Variants in GFRA2 observed in about 807,000 individuals in gnomAD.
The protein encoded by GFRA2 is GDNF family receptor alpha 2.
GFRA2 carries 17 observed loss-of-function variants against 48.3 expected under a neutral mutation model. That is an observed-to-expected ratio of 0.35 (90% CI 0.24 to 0.53). The LOEUF (loss-of-function observed/expected upper bound fraction) is 0.53, where lower values mean the gene tolerates loss of function less well. GFRA2 is among the 20% of genes least tolerant of loss of function. The pLI, the probability that GFRA2 is intolerant of heterozygous loss-of-function variation, is 0.93. For missense variants in GFRA2, 660 were observed against 637.3 expected, an observed-to-expected ratio of 1.04 and a Z score of -0.38; for synonymous variants, 305 against 257.2, an observed-to-expected ratio of 1.19 and a Z score of -1.78.
At chr8:21,758,102 C>T (rs565714950) in intron 3 of GFRA2, among the ~76,000 whole-genome samples, 2 of 152,050 alleles carry the variant, frequency 1.3e-5, no homozygotes, top group South Asian at 4.2e-4. Flanking sequence ...CGGCTGGCAC[C>T]TGGGCATCTG....
chr8:21,785,321 C>G (rs900424726), intron 1 of GFRA2, among the ~76,000 whole-genome samples: 2 of 152,194 alleles, frequency 1.3e-5, no homozygotes, highest in Non-Finnish European at 2.9e-5. Context: ...GGCCAGGCAA[C>G]AGACACACTC....
At chr8:21,716,166 T>G (rs1055716617) in intron 4 of GFRA2, among the ~76,000 whole-genome samples, 1 of 151,582 alleles carries the variant, frequency 6.6e-6, no homozygotes, top group Non-Finnish European at 1.5e-5. Flanking sequence ...CTACTGAAAA[T>G]CGAAAAATTA....
intron 7 of GFRA2, among the ~76,000 whole-genome samples, chr8:21,694,831 G>T (rs1432903300): frequency 6.6e-6 from 1 of 152,186 alleles, no homozygotes; most frequent in Non-Finnish European, 1.5e-5. Flanking sequence ...CTTGGGCAGG[G>T]ACCATGTCTT....
chr8:21,718,421 C>G (rs954917901), intron 4 of GFRA2, among the ~76,000 whole-genome samples: 1 of 152,192 alleles, frequency 6.6e-6, no homozygotes, highest in Non-Finnish European at 1.5e-5. Context: ...TCCTTATCAG[C>G]AGTGTGAAAA....
chr8:21,772,846 G>T (rs1029118569), intron 3 of GFRA2, among the ~76,000 whole-genome samples: 338 of 152,314 alleles, frequency 2.2e-3, no homozygotes, highest in African/African-American at 7.6e-3. Context: ...TGAGTCCAGG[G>T]AGCAGAAGGG....
chr8:21,806,317 G>C (rs1417679149), intron 1 of GFRA2, among the ~76,000 whole-genome samples: 2 of 152,170 alleles, frequency 1.3e-5, no homozygotes, highest in African/African-American at 4.8e-5. Flanking sequence ...TTCCAGAAGA[G>C]TACTCAATAA....
intron 4 of GFRA2, among the ~76,000 whole-genome samples, chr8:21,734,451 T>C (rs1232786236): frequency 6.6e-6 from 1 of 152,256 alleles, no homozygotes; most frequent in Non-Finnish European, 1.5e-5. Context: ...ACATCACATT[T>C]TTTAACTTTG....
intron 4 of GFRA2, among the ~76,000 whole-genome samples, chr8:21,732,040 CCT>C (rs1157500158): frequency 1.3e-5 from 2 of 152,216 alleles, no homozygotes; most frequent in Non-Finnish European, 2.9e-5. Context: ...ATTTATGGGC[CCT>C]GAGTCGGGCC....
intron 1 of GFRA2, among the ~76,000 whole-genome samples, chr8:21,810,169 G>A (rs1011937501): frequency 1.3e-5 from 2 of 152,148 alleles, no homozygotes; most frequent in African/African-American, 2.4e-5. Flanking sequence ...TCCCACACCT[G>A]AGCCACCACC....
intron 4 of GFRA2, among the ~76,000 whole-genome samples, chr8:21,709,027 G>A (rs1038942146): frequency 4.6e-5 from 7 of 152,194 alleles, no homozygotes; most frequent in East Asian, 1.9e-4. Flanking sequence ...TCCGAACACC[G>A]GAGTGGGCTG....
upstream of GFRA2, chr8:21,789,357 CCCCG>C (rs1807451941): frequency 6.6e-6 from 1 of 152,558 alleles, no homozygotes. Flanking sequence ...CTGCCCCTGC[CCCCG>C]CCCCCTGCGC....
intron 4 of GFRA2, among the ~76,000 whole-genome samples, chr8:21,746,622 A>C (rs1805018509): frequency 6.6e-6 from 1 of 152,014 alleles, no homozygotes; most frequent in Admixed American, 6.5e-5. Context: ...CCAGTGCAAG[A>C]AGCTCATCTG....
At chr8:21,699,624 G>A (rs952935062) in intron 7 of GFRA2, among the ~76,000 whole-genome samples, 3 of 152,172 alleles carry the variant, frequency 2.0e-5, no homozygotes, top group Non-Finnish European at 4.4e-5. Flanking sequence ...CCCTGGTCCA[G>A]GCCCCATCAT....
At chr8:21,713,021 A>AGAGGGAGAGGGAGAC (rs1216290956) in intron 4 of GFRA2, among the ~76,000 whole-genome samples, 2 of 143,362 alleles carry the variant, frequency 1.4e-5, no homozygotes, top group African/African-American at 5.3e-5. Context: ...GAGACGAGGG[A>AGAGGGAGAGGGAGAC]GAGGGAGAGG....
At chr8:21,779,762 T>C (rs1405841813) in intron 2 of GFRA2, 1 of 152,196 alleles carries the variant, frequency 6.6e-6, no homozygotes, top group Non-Finnish European at 1.5e-5. Flanking sequence ...GTAGTAATTA[T>C]ATGCATTTCT....
At chr8:21,700,051 G>A (rs1360429446) in intron 7 of GFRA2, among the ~76,000 whole-genome samples, 1 of 152,170 alleles carries the variant, frequency 6.6e-6, no homozygotes, top group Non-Finnish European at 1.5e-5. Flanking sequence ...ATTCCCAAGA[G>A]GTGACATCAG....
chr8:21,707,493 G>A (rs1193333666), intron 4 of GFRA2, among the ~76,000 whole-genome samples: 1 of 152,132 alleles, frequency 6.6e-6, no homozygotes, highest in Non-Finnish European at 1.5e-5. Context: ...TCCCACCACT[G>A]GACAAATTCG....
At chr8:21,721,494 C>A (rs370589998) in intron 4 of GFRA2, among the ~76,000 whole-genome samples, 1 of 152,116 alleles carries the variant, frequency 6.6e-6, no homozygotes, top group Non-Finnish European at 1.5e-5. Flanking sequence ...CGCAGAAGGG[C>A]AAAGGAAGTC....
At position 21,788,410 on chromosome 8, in the gene GFRA2, G is replaced by C. The variant is rs1364585445; in HGVS notation, c.-251C>G. The C allele has an allele frequency of 1.5e-6, 2 of 1,305,174 alleles. No homozygotes were observed. Among genetic ancestry groups the C allele is most frequent in the Non-Finnish European group, 1.9e-6 (2 of 1,030,016 alleles). The allele number at this position is 1,305,174 out of a possible 1,614,324, so 80.8% of individuals were successfully genotyped here. A position where few individuals can be genotyped will look rare whatever the true frequency, so the allele number is the denominator to read the frequency against. On this transcript the variant is annotated 5_prime_UTR_variant, in exon 1 of 9. Coordinates refer to ENST00000524240, the MANE Select transcript of GFRA2 (RefSeq NM_001495.5). ...CCTTGCCCGCTACAATCAAATATAC[G>C]CGTATCTGTGTATCGGCTTTCTAAG...
Sources: gnomAD v4.1 joint callset for allele counts (sites outside exome capture counted in the v4.1 genomes callset) on GRCh38, gnomAD v4.1.1 for gene constraint, MANE v1.5 for transcripts, NCBI Gene and HGNC (gene_info 2026-07-23, HGNC 2026-07-21) for gene names.